TBC1D13: variants seen among roughly 807,000 people sequenced by gnomAD.
TBC1D13 encodes epididymis secretory sperm binding protein.
Under a neutral mutation model 53.6 loss-of-function variants are expected in TBC1D13, and 40 were observed. That is an observed-to-expected ratio of 0.75 (90% CI 0.58 to 0.97). The LOEUF (loss-of-function observed/expected upper bound fraction) is 0.97. Ranked by LOEUF, TBC1D13 falls within the 50% of genes least tolerant of loss-of-function variation. TBC1D13 has a pLI of 0.00. For synonymous variants in TBC1D13, 182 were observed against 197.7 expected, an observed-to-expected ratio of 0.92 and a Z score of 0.67; for missense variants, 377 against 499.4, an observed-to-expected ratio of 0.75 and a Z score of 2.34.
At chr9:128,790,903 T>G (rs1258236239) in intron 3 of TBC1D13, 128 bp downstream of exon 3, 35 of 919,672 alleles carry the variant, frequency 3.8e-5, no homozygotes, top group Non-Finnish European at 5.6e-5. Context: ...GGAGCTTTTC[T>G]GGGAAGTCCT....
rs1052114782 is a variant in TBC1D13 at position 128,787,275 on chromosome 9, G to T, written c.-79G>T. 8.0e-6 allele frequency: 10 copies of T among 1,242,920 alleles called. No individual in the cohort carries two copies. The highest frequency in any genetic ancestry group is 1.0e-5 in the Non-Finnish European group (10 of 983,480). 77.0% of individuals were successfully genotyped at this position (1,242,920 alleles called of 1,614,324 possible). ...TTTGCGCAGAGCCCCGCGTCCCTGG[G>T]GGGCGGCGGCGGCGGCGGCAGCGCA... On this transcript the variant is annotated 5_prime_UTR_variant, in exon 1 of 12. Transcript: ENST00000372648.
In TBC1D13 at chr9:128,808,711, A is replaced by C. The variant is rs1829891621; in HGVS notation, c.*832A>C. On this transcript the variant is annotated 3_prime_UTR_variant, in exon 12 of 12. Transcript: ENST00000372648. ...TGGCTCAGCAAGGCCCCTGGAGGTCAAGCTTGGCCTTTGCCTCCTGTTCCC... is the reference window on the plus strand; with the variant it reads ...TGGCTCAGCAAGGCCCCTGGAGGTCCAGCTTGGCCTTTGCCTCCTGTTCCC... 3.3e-5 allele frequency: 5 copies of C among 152,192 alleles called. No homozygotes were observed. Among genetic ancestry groups the C allele is most frequent in the Admixed American group, 1.3e-4 (2 of 15,262 alleles). 9.4% of individuals were successfully genotyped at this position (152,192 alleles called of 1,614,324 possible).
At chr9:128,789,383 G>GAGGTATTC (rs1388134697) in intron 2 of TBC1D13, among the ~76,000 whole-genome samples, 1 of 151,474 alleles carries the variant, frequency 6.6e-6, no homozygotes, top group African/African-American at 2.4e-5. Context: ...TTCTGAAGTG[G>GAGGTATTC]AGGTATTCAC....
chr9:128,809,618 A>G lies in TBC1D13; in HGVS notation c.*1739A>G, dbSNP rs1166368760. 1.3e-5 allele frequency: 2 copies of G among 152,230 alleles called. No homozygotes were observed. The highest frequency in any genetic ancestry group is 2.4e-5 in the African/African-American group (1 of 41,448). The allele number at this position is 152,230 out of a possible 1,614,324, so 9.4% of individuals were successfully genotyped here. The stretch of plus-strand genomic sequence containing the variant: ...TCAGACTCCTGGCTATGTATTGCAC[A>G]TTGGCAAGTGCTCTGGGGATGAGGC... On this transcript the variant is annotated 3_prime_UTR_variant, in exon 12 of 12. Coordinates refer to ENST00000372648, the MANE Select transcript of TBC1D13 (RefSeq NM_018201.5).
chr9:128,796,667 C>G (rs1197390382), intron 6 of TBC1D13, among the ~76,000 whole-genome samples: 1 of 152,042 alleles, frequency 6.6e-6, no homozygotes, highest in East Asian at 1.9e-4. Flanking sequence ...TGGCCAGGTA[C>G]AGTGGCTCAT....
chr9:128,788,286 T>A, intron 1 of TBC1D13, 48 bp from the exon 2 acceptor site: 1 of 1,568,864 alleles, frequency 6.4e-7, no homozygotes, highest in Non-Finnish European at 8.8e-7. Flanking sequence ...TGGGTCTCAC[T>A]GAGCCGATAT....
At chr9:128,797,428 C>T (rs943325642) in intron 7 of TBC1D13, among the ~76,000 whole-genome samples, 1 of 152,068 alleles carries the variant, frequency 6.6e-6, no homozygotes, top group Admixed American at 6.6e-5. Flanking sequence ...CTGGGAAGGG[C>T]CCTGCATCAC....
chr9:128,795,074 A>G (rs1003414360), intron 6 of TBC1D13, among the ~76,000 whole-genome samples: 1 of 150,524 alleles, frequency 6.6e-6, no homozygotes, highest in Admixed American at 6.6e-5. Flanking sequence ...TTTTTGAGAT[A>G]GGGTCTTGCT....
At chr9:128,794,018 G>A (rs1222683580) in intron 6 of TBC1D13, among the ~76,000 whole-genome samples, 1 of 152,218 alleles carries the variant, frequency 6.6e-6, no homozygotes, top group Admixed American at 6.5e-5. Flanking sequence ...TGTGAAGGAG[G>A]GAAAAACTGG....
At chr9:128,788,496 GC>G in intron 2 of TBC1D13, 89 bp downstream of exon 2, 1 of 1,210,032 alleles carries the variant, frequency 8.3e-7, no homozygotes, top group Non-Finnish European at 1.2e-6. Flanking sequence ...CAGCTCTGGG[GC>G]CCAGCTGCTG....
chr9:128,806,189 G>C, intron 10 of TBC1D13, 65 bp from the exon 11 acceptor site: 4 of 1,610,388 alleles, frequency 2.5e-6, no homozygotes, highest in Non-Finnish European at 3.4e-6. Context: ...TAGGGAGGGA[G>C]GAGTGGGCAG....
At position 128,788,389 on chromosome 9, in the gene TBC1D13, C is replaced by T. The variant is rs775338876; in HGVS notation, c.79C>T (p.Arg27Trp). 4 of 1,613,868 alleles carry T rather than the reference C, an allele frequency of 2.5e-6. No homozygotes were observed. Among genetic ancestry groups the T allele is most frequent in the African/African-American group, 2.7e-5 (2 of 74,928 alleles). Reference sequence around the variant, plus strand: ...GCCCTCAATTGCATTGGAAAAGCTGCGGGAACTCAGCTTTAGTGGTAAGAA... The same window carrying T: ...GCCCTCAATTGCATTGGAAAAGCTGTGGGAACTCAGCTTTAGTGGTAAGAA... ...KEPSIALEKL[R>W]ELSFSGIPCE... The change falls in exon 2 of 12, where the codon CGG (arginine) becomes TGG (tryptophan). Residue 27 changes from arginine (R) to tryptophan (W), a missense_variant. Physicochemically the swap from Arg to Trp is moderately radical, Grantham distance 101. Coordinates refer to ENST00000372648, the MANE Select transcript of TBC1D13 (RefSeq NM_018201.5).
At chr9:128,788,225 G>C (rs1171963095) in intron 1 of TBC1D13, 109 bp from the exon 2 acceptor site, 9 of 911,374 alleles carry the variant, frequency 9.9e-6, no homozygotes, top group African/African-American at 1.6e-5. Context: ...ATGTCCTAAA[G>C]GGGAGAGAGG....
intron 2 of TBC1D13, 34 bp downstream of exon 2, chr9:128,788,441 T>C (rs754352894): frequency 3.1e-5 from 50 of 1,603,740 alleles, no homozygotes; most frequent in Non-Finnish European, 2.5e-5. Flanking sequence ...ACGGTTTCCC[T>C]ACAGCAGCCC....
At chr9:128,806,493 T>C (rs1367472644) in intron 11 of TBC1D13, among the ~76,000 whole-genome samples, 182 bp downstream of exon 11, 1 of 152,186 alleles carries the variant, frequency 6.6e-6, no homozygotes, top group East Asian at 1.9e-4. Context: ...GCCACTGACC[T>C]GGAATGTTGG....
chr9:128,788,424 T>C lies in TBC1D13; in HGVS notation c.97+17T>C. 2.5e-6 allele frequency: 4 copies of C among 1,612,640 alleles called. No individual in the cohort carries two copies. The highest frequency in any genetic ancestry group is 3.4e-6 in the Non-Finnish European group (4 of 1,178,784). On this transcript the variant is annotated intron_variant, in intron 2 of 11. Coordinates refer to ENST00000372648, the MANE Select transcript of TBC1D13 (RefSeq NM_018201.5). ...GCTTTAGTGGTAAGAAGCCATTCTG[T>C]ATTTTCACGGTTTCCCTACAGCAGC...
intron 6 of TBC1D13, among the ~76,000 whole-genome samples, chr9:128,796,408 C>T (rs1829632091): frequency 1.3e-5 from 2 of 152,140 alleles, no homozygotes; most frequent in African/African-American, 4.8e-5. Context: ...CACCACCACG[C>T]CCGGGTAATT....
chr9:128,808,453 G>A lies in TBC1D13; in HGVS notation c.*574G>A. Reference sequence around the variant, plus strand: ...TGTGTGTGTGTGTGTGTGTGTGTGTGTGTTAGGGAGTGAGGGTCTCTCAGG... The same window carrying A: ...TGTGTGTGTGTGTGTGTGTGTGTGTATGTTAGGGAGTGAGGGTCTCTCAGG... On this transcript the variant is annotated 3_prime_UTR_variant, in exon 12 of 12. Coordinates refer to ENST00000372648, the MANE Select transcript of TBC1D13 (RefSeq NM_018201.5). 5.9e-6 allele frequency: 1 copy of A among 169,846 alleles called. No homozygotes were observed. The highest frequency in any genetic ancestry group is 1.3e-5 in the Non-Finnish European group (1 of 79,224). The allele number at this position is 169,846 out of a possible 1,614,324, so 10.5% of individuals were successfully genotyped here. A position where few individuals can be genotyped will look rare whatever the true frequency, so the allele number is the denominator to read the frequency against.
At chr9:128,803,828 G>A in intron 8 of TBC1D13, 128 bp from the exon 9 acceptor site, 1 of 1,241,994 alleles carries the variant, frequency 8.1e-7, no homozygotes, top group African/African-American at 1.5e-5. Context: ...AAGGACAGAG[G>A]AAGGACTGAG....
Sources: gnomAD v4.1 joint callset for allele counts (sites outside exome capture counted in the v4.1 genomes callset) on GRCh38, gnomAD v4.1.1 for gene constraint, MANE v1.5 for transcripts, NCBI Gene and HGNC (gene_info 2026-07-23, HGNC 2026-07-21) for gene names.